The following COL19A1 variants were observed in gnomAD, a reference collection of about 807,000 sequenced individuals.
The protein encoded by COL19A1 is collagen alpha-1(XIX) chain.
COL19A1 carries 159 observed loss-of-function variants against 190.2 expected under a neutral mutation model. That is an observed-to-expected ratio of 0.84 (90% CI 0.73 to 0.95). COL19A1 has a LOEUF of 0.95. COL19A1 is among the 40% of genes least tolerant of loss of function. The pLI, the probability that COL19A1 is intolerant of heterozygous loss-of-function variation, is 0.00. For missense variants in COL19A1, 1,418 were observed against 1,431.9 expected (o/e 0.99, Z 0.16); for synonymous variants, 509 against 458.9 (o/e 1.11, Z -1.39).
At chr6:69,968,505 C>A (rs1293090304) in intron 11 of COL19A1, among the ~76,000 whole-genome samples, 2 of 151,972 alleles carry the variant, frequency 1.3e-5, no homozygotes, top group African/African-American at 4.8e-5. Flanking sequence ...TATACTAGTA[C>A]CACAAATAAA....
rs551733776 is a variant in COL19A1, at chr6:69,868,902, T to TA, written c.-33+2263dup. On this transcript the variant is annotated intron_variant, in intron 1 of 50. Transcript: ENST00000620364. ...CAATGGTTCTAGAGGCGGAAGAAGA[T>TA]ATGAAGTTAGAAACCATGGTAGTGT... Among the ~76,000 whole-genome samples the TA allele has an allele frequency of 1.8e-3, 280 of 152,250 alleles. 2 individuals are homozygous for TA. Among genetic ancestry groups the TA allele is most frequent in the South Asian group, 0.017 (81 of 4,820 alleles).
At chr6:70,104,157 C>A (rs1045071038) in intron 16 of COL19A1, among the ~76,000 whole-genome samples, 1 of 152,096 alleles carries the variant, frequency 6.6e-6, no homozygotes, top group African/African-American at 2.4e-5. Context: ...TATATAAAAG[C>A]ACATTGGGGG....
In COL19A1 at chr6:69,934,295, T is replaced by C. The variant is rs190446254; in HGVS notation, c.747+1432T>C. 1.3e-3 allele frequency among the ~76,000 whole-genome samples: 202 copies of C among 152,124 alleles called. 1 individual carries two copies. Among genetic ancestry groups the C allele is most frequent in the African/African-American group, 4.5e-3 (189 of 41,560 alleles). ...GAAAAGATAATTTAGAATGCCAATC[T>C]ACAGACTTGAAATACCTAGACTTCC... On this transcript the variant is annotated intron_variant, in intron 7 of 50. Coordinates refer to ENST00000620364, the MANE Select transcript of COL19A1 (RefSeq NM_001858.6).
chr6:70,025,077 T>TGCAGTG (rs1225845579), intron 12 of COL19A1, among the ~76,000 whole-genome samples: 2 of 149,456 alleles, frequency 1.3e-5, no homozygotes, highest in East Asian at 2.0e-4. Flanking sequence ...CAGGCTGGAG[T>TGCAGTG]GCAGTGGCAG....
At chr6:69,935,623 C>T (rs1338188897) in intron 7 of COL19A1, among the ~76,000 whole-genome samples, 1 of 151,854 alleles carries the variant, frequency 6.6e-6, no homozygotes, top group Non-Finnish European at 1.5e-5. Context: ...GTGGTGGATA[C>T]AGTAAACTAG....
chr6:70,168,268 AAAAC>A, intron 39 of COL19A1, 53 bp downstream of exon 39: 2 of 1,567,472 alleles, frequency 1.3e-6, no homozygotes, highest in South Asian at 2.4e-5. Flanking sequence ...ACCACAATGA[AAAAC>A]AAACAATAAA....
chr6:70,197,815 A>G (rs1015910985), intron 48 of COL19A1, among the ~76,000 whole-genome samples: 2 of 152,190 alleles, frequency 1.3e-5, no homozygotes, highest in African/African-American at 4.8e-5. Context: ...GGGTTGTGGT[A>G]TATTTCCATT....
At chr6:70,038,284 G>T (rs1582749570) in intron 14 of COL19A1, among the ~76,000 whole-genome samples, 1 of 152,116 alleles carries the variant, frequency 6.6e-6, no homozygotes, top group East Asian at 1.9e-4. Flanking sequence ...CCAATATTGG[G>T]GCTCCACCCC....
rs1391411225 is a variant in COL19A1 at position 69,960,104 on chromosome 6, C to G, written c.981+64C>G. On this transcript the variant is annotated intron_variant, in intron 10 of 50. Coordinates refer to ENST00000620364, the MANE Select transcript of COL19A1 (RefSeq NM_001858.6). ...TTAACGTGTTAAAAATAAATTTGCACATAATATTCTGAAATTGTATTTGAT... is the reference window on the plus strand; with the variant it reads ...TTAACGTGTTAAAAATAAATTTGCAGATAATATTCTGAAATTGTATTTGAT... 6 of 1,448,152 alleles carry G rather than the reference C, an allele frequency of 4.1e-6. No homozygotes were observed. In the Admixed American group the frequency reaches 1.1e-4, roughly 27 times the overall value. The allele number at this position is 1,448,152 out of a possible 1,614,324, so 89.7% of individuals were successfully genotyped here.
chr6:70,172,718 T>C (rs952467115), intron 41 of COL19A1, among the ~76,000 whole-genome samples: 1 of 152,216 alleles, frequency 6.6e-6, no homozygotes, highest in Non-Finnish European at 1.5e-5. Flanking sequence ...AGATTGCTCT[T>C]TTACCACAGG....
chr6:70,060,403 G>A (rs1289507311), intron 14 of COL19A1, among the ~76,000 whole-genome samples: 1 of 152,092 alleles, frequency 6.6e-6, no homozygotes, highest in Admixed American at 6.6e-5. Flanking sequence ...CCGGGAAAAG[G>A]ACCAGTACCA....
intron 46 of COL19A1, among the ~76,000 whole-genome samples, chr6:70,187,093 T>A (rs914592667): frequency 1.4e-4 from 22 of 152,292 alleles, no homozygotes; most frequent in African/African-American, 5.1e-4. Context: ...TTGGTCAGGC[T>A]GGTCTCGAAC....
intron 2 of COL19A1, among the ~76,000 whole-genome samples, chr6:69,884,535 T>C (rs1768783481): frequency 6.6e-6 from 1 of 152,202 alleles, no homozygotes; most frequent in Non-Finnish European, 1.5e-5. Context: ...GGGAGCATAA[T>C]GCACTTCTAC....
chr6:70,158,531 C>T (rs748770292), intron 34 of COL19A1, among the ~76,000 whole-genome samples: 14 of 152,042 alleles, frequency 9.2e-5, no homozygotes, highest in Admixed American at 2.0e-4. Flanking sequence ...AGAAAAGCAA[C>T]ATTTTCTTCC....
At chr6:70,162,545 A>G (rs547557165) in intron 35 of COL19A1, among the ~76,000 whole-genome samples, 1 of 152,180 alleles carries the variant, frequency 6.6e-6, no homozygotes, top group African/African-American at 2.4e-5. Flanking sequence ...CAGATAAAAT[A>G]TAGTGCATGC....
chr6:69,976,917 A>G (rs1209160381), intron 11 of COL19A1, among the ~76,000 whole-genome samples: 1 of 152,134 alleles, frequency 6.6e-6, no homozygotes, highest in Non-Finnish European at 1.5e-5. Context: ...CACCTGACCA[A>G]AAGCTTGAGG....
intron 2 of COL19A1, among the ~76,000 whole-genome samples, chr6:69,895,047 A>G (rs1769623599): frequency 6.6e-6 from 1 of 152,212 alleles, no homozygotes; most frequent in African/African-American, 2.4e-5. Flanking sequence ...GATTAAGCTT[A>G]ATTACTGTCC....
At chr6:70,034,128 T>C in intron 12 of COL19A1, 117 bp from the exon 13 acceptor site, 4 of 751,106 alleles carry the variant, frequency 5.3e-6, no homozygotes, top group Non-Finnish European at 7.1e-6. Context: ...CTCTCTATAC[T>C]ACAAAAGGAA....
At chr6:70,140,580 C>T (rs182902388) in intron 19 of COL19A1, among the ~76,000 whole-genome samples, 10 of 152,152 alleles carry the variant, frequency 6.6e-5, no homozygotes, top group Admixed American at 1.3e-4. Flanking sequence ...TTCCCTTCAA[C>T]GTTTTTATCA....
Sources: allele counts gnomAD v4.1 joint callset (sites outside exome capture counted in the v4.1 genomes callset), GRCh38; gene constraint gnomAD v4.1.1; transcripts MANE v1.5; gene names NCBI Gene and HGNC (gene_info 2026-07-23, HGNC 2026-07-21).